PTDSS2: variants seen among roughly 807,000 people sequenced by gnomAD.
The protein encoded by PTDSS2 is phosphatidylserine synthase 2.
Under a neutral mutation model 64.7 loss-of-function variants are expected in PTDSS2, and 41 were observed. The observed-to-expected ratio is 0.63, with a 90% CI of 0.49 to 0.82. PTDSS2 has a LOEUF of 0.82. Ranked by LOEUF, PTDSS2 falls within the 40% of genes least tolerant of loss-of-function variation. The pLI, the probability that PTDSS2 is intolerant of heterozygous loss-of-function variation, is 0.00. For synonymous variants in PTDSS2, 297 were observed against 277.8 expected (o/e 1.07, Z -0.69); for missense variants, 485 against 650.0 (o/e 0.75, Z 2.76).
chr11:487,148 C>T (rs1848432600), intron 5 of PTDSS2, 75 bp downstream of exon 5: 10 of 1,380,714 alleles, frequency 7.2e-6, no homozygotes, highest in Non-Finnish European at 1.0e-5. Context: ...CATCCACGCT[C>T]CTGCCTCGCA....
chr11:473,893 A>G lies in PTDSS2; in HGVS notation c.285-2A>G, dbSNP rs780564582. On this transcript the variant is annotated splice_acceptor_variant, in intron 2 of 11. Coordinates refer to ENST00000308020, the MANE Select transcript of PTDSS2 (RefSeq NM_030783.3). LOFTEE classifies it high-confidence loss of function. ...GAGGGGCTGTTTGTTCTTTATTTGC[A>G]GAGGTATTGTGGCCAGTATTTTGGT... The G allele has an allele frequency of 1.9e-6, 3 of 1,611,656 alleles. No individual in the cohort carries two copies. The highest frequency in any genetic ancestry group is 2.2e-5 in the East Asian group (1 of 44,856).
At chr11:455,949 A>G in intron 1 of PTDSS2, among the ~76,000 whole-genome samples, 1 of 152,010 alleles carries the variant, frequency 6.6e-6, no homozygotes, top group East Asian at 1.9e-4. Flanking sequence ...AGTGTCCAGG[A>G]GGCTCCGGGC....
chr11:473,297 G>A (rs142407946), intron 2 of PTDSS2, among the ~76,000 whole-genome samples: 5 of 152,336 alleles, frequency 3.3e-5, no homozygotes, highest in African/African-American at 4.8e-5. Flanking sequence ...CAGGAGTCCC[G>A]TTGGTTTTGG....
chr11:455,378 C>G (rs183910464), intron 1 of PTDSS2, among the ~76,000 whole-genome samples: 26 of 152,290 alleles, frequency 1.7e-4, no homozygotes, highest in Admixed American at 1.7e-3. Context: ...CTGGAGGCCT[C>G]CCTCACAGCA....
At position 461,846 on chromosome 11, in the gene PTDSS2, G is replaced by A. The variant is rs772660351; in HGVS notation, c.284+1558G>A. Among the ~76,000 whole-genome samples the A allele has an allele frequency of 2.2e-4, 33 of 152,334 alleles. No individual in the cohort carries two copies. The highest frequency in any genetic ancestry group is 3.8e-4 in the Non-Finnish European group (26 of 68,034). On this transcript the variant is annotated intron_variant, in intron 2 of 11. Transcript: ENST00000308020. The surrounding 1 kb of genome is among the most constrained non-coding windows in gnomAD (Gnocchi z 4.2). ...GTGCCGTGCCTGGGGCCCCTGTGGA[G>A]GGGCCACCTGGGGACGCTGGACCTG...
chr11:479,428 G>A lies in PTDSS2; in HGVS notation c.435+276G>A. The A allele has an allele frequency of 1.8e-6, 1 of 543,640 alleles. No individual in the cohort carries two copies. The highest frequency in any genetic ancestry group is 3.3e-6 in the Non-Finnish European group (1 of 301,470). 33.7% of individuals were successfully genotyped at this position (543,640 alleles called of 1,614,324 possible). On this transcript the variant is annotated intron_variant, in intron 4 of 11. Coordinates refer to ENST00000308020, the MANE Select transcript of PTDSS2 (RefSeq NM_030783.3). This position sits in a 1 kb window ranked among gnomAD's most constrained non-coding sequence, Gnocchi z 4.2. ...GTGGGGCGCTGACTGTGGCCATTTA[G>A]CAGGGCCACACTTAAGGAGGGCAGG...
chr11:487,501 C>G (rs766211382), intron 6 of PTDSS2, 31 bp downstream of exon 6: 1 of 1,608,564 alleles, frequency 6.2e-7, no homozygotes, highest in Non-Finnish European at 8.5e-7. Flanking sequence ...GGCCTCCCCG[C>G]CCCGGTTCTG....
At position 460,271 on chromosome 11, in the gene PTDSS2, G is replaced by A. The variant is rs768963135; in HGVS notation, c.267G>A (p.Thr89=). 62 of 1,613,862 alleles carry A rather than the reference G, an allele frequency of 3.8e-5. No homozygotes were observed. Among genetic ancestry groups the A allele is most frequent in the African/African-American group, 5.3e-5 (4 of 74,922 alleles). ...TGCTGGAGGAAACACCTCAGGACACGGCCTACAACACCAAGAGGTAAGCTG... is the reference window on the plus strand; with the variant it reads ...TGCTGGAGGAAACACCTCAGGACACAGCCTACAACACCAAGAGGTAAGCTG... ...VTLLEETPQD[T]AYNTKRGIVA... The change falls in exon 2 of 12, where the codon ACG becomes ACA. Residue 89 remains threonine (T), a synonymous_variant. Coordinates refer to ENST00000308020, the MANE Select transcript of PTDSS2 (RefSeq NM_030783.3). This position sits in a 1 kb window ranked among gnomAD's most constrained non-coding sequence, Gnocchi z 5.8.
chr11:486,599 T>C (rs950854315), intron 4 of PTDSS2, among the ~76,000 whole-genome samples: 5 of 152,032 alleles, frequency 3.3e-5, no homozygotes, highest in Non-Finnish European at 1.5e-5. Flanking sequence ...TCCCAGCTCT[T>C]TGGGAGGCCG....
Position 490,463 on chromosome 11 carries a change from CAG to C in PTDSS2, c.1347_1348del (p.Asn450GlnfsTer3). 1 of 1,613,220 alleles carries C rather than the reference CAG, an allele frequency of 6.2e-7. No individual in the cohort carries two copies. Reference sequence around the variant, plus strand: ...CAAGGAGACCCGGTGGCAGAAGTGGCAGAACAAGGATGACCAGGGCAGCACCG... The same window carrying C: ...CAAGGAGACCCGGTGGCAGAAGTGGCAACAAGGATGACCAGGGCAGCACCG... ...RYKETRWQKW[Q>X]NKDDQGSTVG... is the part of the protein sequence containing the mutation. On this transcript the variant is annotated frameshift_variant, in exon 12 of 12. Transcript: ENST00000308020. LOFTEE classifies it low-confidence loss of function (END_TRUNC).
intron 1 of PTDSS2, chr11:459,824 C>G (rs985601496): frequency 8.7e-6 from 2 of 230,852 alleles, no homozygotes; most frequent in African/African-American, 4.6e-5. Flanking sequence ...GAGTTGTTGT[C>G]TCGGCTTGTC....
chr11:485,221 G>A (rs1193934448), intron 4 of PTDSS2, among the ~76,000 whole-genome samples: 5 of 141,028 alleles, frequency 3.5e-5, no homozygotes, highest in East Asian at 2.2e-4. Flanking sequence ...CTCACTGTGC[G>A]CAGGCGAGTG....
At chr11:475,661 T>C (rs886272251) in intron 3 of PTDSS2, among the ~76,000 whole-genome samples, 1 of 152,176 alleles carries the variant, frequency 6.6e-6, no homozygotes, top group Non-Finnish European at 1.5e-5. Flanking sequence ...TCAACGACTT[T>C]AGTCATTTCC....
chr11:485,538 GTGTAAA>G (rs1848313736), intron 4 of PTDSS2, among the ~76,000 whole-genome samples: 1 of 141,468 alleles, frequency 7.1e-6, no homozygotes, highest in African/African-American at 2.7e-5. Flanking sequence ...GCGCAGGCGA[GTGTAAA>G]CAGTGCACGG....
chr11:457,855 C>A (rs1387661457), intron 1 of PTDSS2, among the ~76,000 whole-genome samples: 2 of 152,188 alleles, frequency 1.3e-5, no homozygotes, highest in Non-Finnish European at 2.9e-5. Context: ...TTTTCTGTGC[C>A]GTTTTGCAGT....
rs1564973925 is a variant in PTDSS2, at chr11:470,486, T to C, written c.285-3409T>C. The stretch of plus-strand genomic sequence containing the variant: ...CCATGTGGCTTCCAGGAAGAGATTG[T>C]TGGGGGCGGGGCAGGGGGAAGGACA... On this transcript the variant is annotated intron_variant, in intron 2 of 11. Transcript: ENST00000308020. The surrounding 1 kb of genome is among the most constrained non-coding windows in gnomAD (Gnocchi z 5.3). Among the ~76,000 whole-genome samples, 1 of 152,068 alleles carries C rather than the reference T, an allele frequency of 6.6e-6. No homozygotes were observed. The highest frequency in any genetic ancestry group is 1.5e-5 in the Non-Finnish European group (1 of 67,998).
chr11:474,108 C>A (rs1847606948), intron 3 of PTDSS2, 131 bp downstream of exon 3: 2 of 774,818 alleles, frequency 2.6e-6, no homozygotes, highest in Non-Finnish European at 4.6e-6. Context: ...GCCTCCGAGG[C>A]CACTTCCCAC....
rs986670637 is a variant in PTDSS2, at chr11:460,478, C to G, written c.284+190C>G. On this transcript the variant is annotated intron_variant, in intron 2 of 11. Transcript: ENST00000308020. The surrounding 1 kb of genome is among the most constrained non-coding windows in gnomAD (Gnocchi z 5.8). ...GCTGCCCTTGGTGCTGCGTGGCGTT[C>G]CCGGTCAGCCCCCGTCGCCTGTCAC... 8.8e-6 allele frequency: 5 copies of G among 565,872 alleles called. No homozygotes were observed. In the African/African-American group the frequency reaches 9.4e-5, roughly 11 times the overall value. The allele number at this position is 565,872 out of a possible 1,614,324, so 35.1% of individuals were successfully genotyped here. A position where few individuals can be genotyped will look rare whatever the true frequency, so the allele number is the denominator to read the frequency against.
At chr11:453,687 G>A (rs530655281) in intron 1 of PTDSS2, among the ~76,000 whole-genome samples, 3 of 152,248 alleles carry the variant, frequency 2.0e-5, no homozygotes, top group Non-Finnish European at 2.9e-5. Context: ...AAGGGCCAGT[G>A]CCCGGTCCAG....
Sources: allele counts gnomAD v4.1 joint callset (sites outside exome capture counted in the v4.1 genomes callset), GRCh38; gene constraint gnomAD v4.1.1; non-coding constraint Gnocchi (gnomAD v3.1); transcripts MANE v1.5; gene names NCBI Gene and HGNC (gene_info 2026-07-23, HGNC 2026-07-21).